Variants in PDE10A observed in about 807,000 individuals in gnomAD.
PDE10A encodes the protein cAMP and cAMP-inhibited cGMP 3',5'-cyclic phosphodiesterase 10A.
A neutral mutation model predicts 97.7 loss-of-function variants in PDE10A; 39 were observed. That is an observed-to-expected ratio of 0.40 (90% confidence interval 0.31 to 0.52). PDE10A has a LOEUF of 0.52. PDE10A is among the 20% of genes least tolerant of loss of function. PDE10A has a pLI of 0.56. For missense variants in PDE10A, 731 were observed against 1,047.8 expected, an observed-to-expected ratio of 0.70 and a Z score of 4.17; for synonymous variants, 371 against 376.8, an observed-to-expected ratio of 0.98 and a Z score of 0.18.
chr6:165,353,944 C>A (rs1458549468), intron 18 of PDE10A, among the ~76,000 whole-genome samples: 2 of 152,170 alleles, frequency 1.3e-5, no homozygotes, highest in Non-Finnish European at 2.9e-5. Flanking sequence ...AGGATACCAA[C>A]AGTGGGGGAA....
chr6:165,606,691 C>A (rs938634667), intron 1 of PDE10A, among the ~76,000 whole-genome samples: 1 of 151,986 alleles, frequency 6.6e-6, no homozygotes, highest in Non-Finnish European at 1.5e-5. Context: ...CCAGGTATAG[C>A]AAGTAGGAGA....
intron 1 of PDE10A, among the ~76,000 whole-genome samples, chr6:165,699,032 A>C (rs1036432575): frequency 6.6e-6 from 1 of 152,238 alleles, no homozygotes; most frequent in Non-Finnish European, 1.5e-5. Context: ...TTAACAATTC[A>C]TCAAAAGGCA....
chr6:165,458,113 AT>A (rs1003142699), intron 3 of PDE10A, among the ~76,000 whole-genome samples: 32 of 152,232 alleles, frequency 2.1e-4, no homozygotes, highest in African/African-American at 7.2e-4. Context: ...TCTTCTCATC[AT>A]TTTTTATATT....
Position 165,834,921 on chromosome 6 carries a change from C to G in PDE10A, c.-615+152608G>C, listed in dbSNP as rs1367976330. 8.5e-5 allele frequency among the ~76,000 whole-genome samples: 13 copies of G among 152,382 alleles called. 1 individual carries two copies. In the East Asian group the frequency reaches 2.5e-3, roughly 29 times the overall value. The stretch of plus-strand genomic sequence containing the variant: ...GGAGTTAGCTTCCTTCGGCTCAGTG[C>G]ACCAGCAGGGTTAGGAGCCAGGGCT... On this transcript the variant is annotated intron_variant, in intron 1 of 19. Transcript: ENST00000366882.
chr6:165,887,828 G>A lies in PDE10A; in HGVS notation c.-615+99701C>T, dbSNP rs566846617. Among the ~76,000 whole-genome samples, 7 of 152,162 alleles carry A rather than the reference G, an allele frequency of 4.6e-5. No homozygotes were observed. In the South Asian group the frequency reaches 6.2e-4, roughly 14 times the overall value. On this transcript the variant is annotated intron_variant, in intron 1 of 19. Coordinates refer to the PDE10A transcript ENST00000366882. ...CTACATTCAGCCCTTTACAATAATG[G>A]GAGCCAGAGTGATCATTTTTAAATT...
At chr6:165,885,709 G>A (rs1389170646) in intron 1 of PDE10A, among the ~76,000 whole-genome samples, 4 of 152,236 alleles carry the variant, frequency 2.6e-5, no homozygotes, top group African/African-American at 9.6e-5. Flanking sequence ...CAGATCCAGT[G>A]CGTCCTTCAC....
chr6:165,433,187 T>A, intron 6 of PDE10A, 58 bp from the exon 7 acceptor site: 1 of 1,305,704 alleles, frequency 7.7e-7, no homozygotes, highest in Non-Finnish European at 1.1e-6. Flanking sequence ...TAAGTGATGA[T>A]TCTTATTTCT....
chr6:165,615,690 T>A (rs1787696863), intron 1 of PDE10A, among the ~76,000 whole-genome samples: 1 of 152,196 alleles, frequency 6.6e-6, no homozygotes, highest in South Asian at 2.1e-4. Context: ...ATTTGGTCAG[T>A]TTAGATAATT....
chr6:165,507,419 T>C (rs1781260032), intron 2 of PDE10A, among the ~76,000 whole-genome samples: 2 of 152,186 alleles, frequency 1.3e-5, no homozygotes, highest in Admixed American at 1.3e-4. Flanking sequence ...ACACAGTACT[T>C]GTAAATTAAT....
intron 3 of PDE10A, among the ~76,000 whole-genome samples, chr6:165,453,347 T>G (rs1777751855): frequency 6.6e-6 from 1 of 152,232 alleles, no homozygotes; most frequent in African/African-American, 2.4e-5. Flanking sequence ...ACCAAGGGTT[T>G]ATGGGCAACT....
intron 3 of PDE10A, among the ~76,000 whole-genome samples, chr6:165,463,126 G>GAGCCAA (rs1437770803): frequency 6.6e-6 from 1 of 152,120 alleles, no homozygotes; most frequent in African/African-American, 2.4e-5. Context: ...CTCAGTCTGC[G>GAGCCAA]AGCCACAGCC....
At chr6:165,743,688 G>C (rs146831747) in intron 1 of PDE10A, among the ~76,000 whole-genome samples, 2 of 152,338 alleles carry the variant, frequency 1.3e-5, no homozygotes, top group East Asian at 3.9e-4. Context: ...AACACAGTGA[G>C]TGATTCACAT....
chr6:165,344,461 C>T (rs940716718), intron 18 of PDE10A, among the ~76,000 whole-genome samples: 12 of 152,192 alleles, frequency 7.9e-5, no homozygotes, highest in African/African-American at 2.7e-4. Flanking sequence ...TATCTCAATT[C>T]GAATGAGTTT....
At chr6:165,779,750 G>A (rs1274036241) in intron 1 of PDE10A, among the ~76,000 whole-genome samples, 3 of 152,302 alleles carry the variant, frequency 2.0e-5, no homozygotes, top group South Asian at 2.1e-4. Context: ...TTCGACTGCT[G>A]TGATGCAGCT....
intron 1 of PDE10A, among the ~76,000 whole-genome samples, chr6:165,969,372 G>T (rs1007546865): frequency 2.6e-5 from 4 of 152,084 alleles, no homozygotes; most frequent in Admixed American, 6.5e-5. Context: ...ACTGGGGAGG[G>T]CGTGGCAGCG....
chr6:165,625,561 T>C (rs569243775), intron 1 of PDE10A, among the ~76,000 whole-genome samples: 1 of 152,314 alleles, frequency 6.6e-6, no homozygotes, highest in South Asian at 2.1e-4. Flanking sequence ...TCATCTTGAA[T>C]TGTAGCTTCC....
intron 1 of PDE10A, among the ~76,000 whole-genome samples, chr6:165,703,036 A>G (rs1791619740): frequency 1.3e-5 from 2 of 152,210 alleles, no homozygotes; most frequent in South Asian, 2.1e-4. Context: ...ACGATTCGGC[A>G]TCTCTTAGAG....
At chr6:165,854,449 C>T (rs1047843113) in intron 1 of PDE10A, among the ~76,000 whole-genome samples, 1 of 152,192 alleles carries the variant, frequency 6.6e-6, no homozygotes, top group African/African-American at 2.4e-5. Context: ...TTCGCAGGCT[C>T]TGCTGCGAGC....
chr6:165,756,005 G>T (rs1793109949), intron 1 of PDE10A, among the ~76,000 whole-genome samples: 1 of 152,106 alleles, frequency 6.6e-6, no homozygotes, highest in Admixed American at 6.5e-5. Context: ...ACTCCTTCAG[G>T]ACTCTTAGAG....
Sources: gnomAD v4.1 joint callset for allele counts (sites outside exome capture counted in the v4.1 genomes callset) on GRCh38, gnomAD v4.1.1 for gene constraint, MANE v1.5 for transcripts, NCBI Gene and HGNC (gene_info 2026-07-23, HGNC 2026-07-21) for gene names.